RPS3: variants seen among roughly 807,000 people sequenced by gnomAD.
RPS3 encodes the protein ribosomal protein S3.
RPS3 carries 2 observed loss-of-function variants against 25.8 expected under a neutral mutation model. That is an observed-to-expected ratio of 0.08 (90% CI 0.03 to 0.24). The LOEUF (loss-of-function observed/expected upper bound fraction) is 0.24. RPS3 is among the 10% of genes least tolerant of loss of function. The probability of loss-of-function intolerance (pLI) is 1.00; values close to 1 mark genes in which losing one functional copy is unlikely to be tolerated. For missense variants in RPS3, 107 were observed against 307.1 expected, an observed-to-expected ratio of 0.35 and a Z score of 4.87; for synonymous variants, 114 against 114.2, an observed-to-expected ratio of 1.00 and a Z score of 0.01.
At chr11:75,412,251 C>A (rs186477995) in intron 6 of RPS3, among the ~76,000 whole-genome samples, 4 of 152,296 alleles carry the variant, frequency 2.6e-5, no homozygotes, top group Middle Eastern at 3.4e-3. Context: ...TATGTCCCCC[C>A]AAATTCTTAT....
At chr11:75,408,121 TA>T (rs1255395750), downstream of RPS3, among the ~76,000 whole-genome samples, 5 of 151,284 alleles carry the variant, frequency 3.3e-5, no homozygotes, top group African/African-American at 1.2e-4. Flanking sequence ...GAGGAAGAAA[TA>T]AACTTAATTG....
chr11:75,401,630 T>A lies in RPS3; in HGVS notation c.162-10T>A, dbSNP rs200251311. On this transcript the variant is annotated splice_polypyrimidine_tract_variant and intron_variant, in intron 2 of 6. Coordinates refer to ENST00000531188, the MANE Select transcript of RPS3 (RefSeq NM_001005.5). ...TGTGAGAATCTTGAATTGTCACTTT[T>A]CCCCCCCAGAACACAGAATGTTCTT... The A allele has an allele frequency of 1.9e-6, 3 of 1,582,562 alleles. No individual in the cohort carries two copies. In the East Asian group the frequency reaches 6.7e-5, roughly 35 times the overall value.
rs1948276845 is a variant in RPS3 at position 75,405,666 on chromosome 11, T to G, written c.*56T>G. On this transcript the variant is annotated 3_prime_UTR_variant, in exon 7 of 7. Coordinates refer to ENST00000531188, the MANE Select transcript of RPS3 (RefSeq NM_001005.5). ...TCTGGATGTTGCTCTCTAAAGACCT[T>G]TAATAAAATTTTGTACAAAGACACA... 2.2e-6 allele frequency: 1 copy of G among 456,052 alleles called. No individual in the cohort carries two copies. Among genetic ancestry groups the G allele is most frequent in the Non-Finnish European group, 4.4e-6 (1 of 226,932 alleles). 28.3% of individuals were successfully genotyped at this position (456,052 alleles called of 1,614,324 possible). A position where few individuals can be genotyped will look rare whatever the true frequency, so the allele number is the denominator to read the frequency against.
At chr11:75,399,992 C>T (rs1948181772) in intron 1 of RPS3, 2 of 278,434 alleles carry the variant, frequency 7.2e-6, no homozygotes, top group Non-Finnish European at 1.4e-5. Flanking sequence ...AGGACCTCAA[C>T]TTGAAGGGTT....
At chr11:75,415,931 G>T (rs1260387090) in intron 6 of RPS3, among the ~76,000 whole-genome samples, 1 of 148,982 alleles carries the variant, frequency 6.7e-6, no homozygotes, top group African/African-American at 2.5e-5. Context: ...AGCCGCGATC[G>T]TGCCACTGCA....
intron 3 of RPS3, chr11:75,402,076 A>T (rs777244880): frequency 3.8e-4 from 207 of 550,624 alleles, no homozygotes; most frequent in Non-Finnish European, 5.8e-4. Flanking sequence ...TACTGAAATT[A>T]TATGCTGTAT....
intron 2 of RPS3, among the ~76,000 whole-genome samples, chr11:75,401,150 G>A (rs1948204426): frequency 6.6e-6 from 1 of 152,144 alleles, no homozygotes; most frequent in African/African-American, 2.4e-5. Context: ...CCAAAGTGCT[G>A]GGATTACAGG....
At chr11:75,415,774 C>A (rs1252439935) in intron 6 of RPS3, among the ~76,000 whole-genome samples, 3 of 149,086 alleles carry the variant, frequency 2.0e-5, no homozygotes, top group African/African-American at 7.4e-5. Context: ...CCACTGCACT[C>A]CAGCCTGGGC....
At chr11:75,409,146 T>C (rs1418203825), downstream of RPS3, among the ~76,000 whole-genome samples, 1 of 151,732 alleles carries the variant, frequency 6.6e-6, no homozygotes, top group East Asian at 1.9e-4. Flanking sequence ...CATCTCTGAC[T>C]AATTTTTATT....
intron 3 of RPS3, 138 bp from the exon 4 acceptor site, chr11:75,402,214 A>G: frequency 1.5e-6 from 2 of 1,290,796 alleles, no homozygotes; most frequent in Non-Finnish European, 2.2e-6. Flanking sequence ...AATCAAAGCC[A>G]TCTCCTGGGC....
chr11:75,421,482 C>A (rs1042328177), intron 6 of RPS3, among the ~76,000 whole-genome samples: 11 of 152,224 alleles, frequency 7.2e-5, no homozygotes, highest in African/African-American at 2.4e-4. Flanking sequence ...CTTTCTCTCC[C>A]TCTCTGAGCT....
At chr11:75,412,487 T>G (rs976277732) in intron 6 of RPS3, among the ~76,000 whole-genome samples, 4 of 152,194 alleles carry the variant, frequency 2.6e-5, no homozygotes, top group African/African-American at 4.8e-5. Flanking sequence ...CTCTCTCTGT[T>G]CCTTTCCATT....
At chr11:75,405,119 A>T (rs1325674549) in intron 6 of RPS3, 1 of 319,006 alleles carries the variant, frequency 3.1e-6, no homozygotes, top group Non-Finnish European at 5.7e-6. Context: ...GTTTTCCCTT[A>T]TCCTCCCTTA....
At chr11:75,406,949 A>G (rs1280131683), downstream of RPS3, 1 of 152,156 alleles carries the variant, frequency 6.6e-6, no homozygotes, top group Non-Finnish European at 1.5e-5. Context: ...TAAATACTCT[A>G]CCATTTTGTA....
intron 6 of RPS3, among the ~76,000 whole-genome samples, chr11:75,412,240 T>C (rs553409465): frequency 1.3e-5 from 2 of 152,330 alleles, no homozygotes; most frequent in African/African-American, 4.8e-5. Context: ...GTGGACTGAT[T>C]TATGTCCCCC....
chr11:75,404,068 C>T lies in RPS3; in HGVS notation c.399C>T (p.Gly133=), dbSNP rs1467368973. Residue 133 remains glycine (G), a synonymous_variant, in exon 5 of 7, where the codon GGC becomes GGT. Coordinates refer to ENST00000531188, the MANE Select transcript of RPS3 (RefSeq NM_001005.5). The surrounding 1 kb of genome is among the most constrained non-coding windows in gnomAD (Gnocchi z 4.6). ...TCATCATGGAGAGTGGGGCCAAAGG[C>T]TGCGAGGTTGTGGTGTCTGGGAAAC... ...LRFIMESGAK[G]CEVVVSGKLR... 9.3e-6 allele frequency: 15 copies of T among 1,613,304 alleles called. No homozygotes were observed. Among genetic ancestry groups the T allele is most frequent in the Non-Finnish European group, 1.0e-5 (12 of 1,180,030 alleles).
chr11:75,403,863 A>G, intron 4 of RPS3, 157 bp from the exon 5 acceptor site: 1 of 645,442 alleles, frequency 1.5e-6, no homozygotes, highest in South Asian at 2.0e-5. Flanking sequence ...AAGGTTCGGA[A>G]TGATAGGTGT....
chr11:75,412,859 C>T (rs182127933), intron 6 of RPS3, among the ~76,000 whole-genome samples: 3 of 152,316 alleles, frequency 2.0e-5, no homozygotes, highest in Admixed American at 1.3e-4. Context: ...TCACTGCAAC[C>T]TGTGCCTCCC....
chr11:75,410,978 G>A (rs1332187952), downstream of RPS3, among the ~76,000 whole-genome samples: 3 of 152,146 alleles, frequency 2.0e-5, no homozygotes, highest in African/African-American at 7.2e-5. Flanking sequence ...CCAGGTTCAC[G>A]CCATTATCCT....
Sources: gnomAD v4.1 joint callset for allele counts (sites outside exome capture counted in the v4.1 genomes callset) on GRCh38, gnomAD v4.1.1 for gene constraint, Gnocchi (gnomAD v3.1) non-coding constraint, MANE v1.5 for transcripts, NCBI Gene and HGNC (gene_info 2026-07-23, HGNC 2026-07-21) for gene names.